Variants in RBFOX1 observed in about 807,000 individuals in gnomAD.
RBFOX1 encodes RNA binding fox-1 homolog 1.
RBFOX1 carries 8 observed loss-of-function variants against 57.7 expected under a neutral mutation model. The ratio of observed to expected loss-of-function variants is 0.14; its 90% CI spans 0.08 to 0.25. RBFOX1 has a LOEUF of 0.25. Ranked by LOEUF, RBFOX1 falls within the 10% of genes least tolerant of loss-of-function variation. The pLI, the probability that RBFOX1 is intolerant of heterozygous loss-of-function variation, is 1.00. For missense variants in RBFOX1, 611 were observed against 548.5 expected (o/e 1.11, Z -1.14); for synonymous variants, 326 against 222.4 (o/e 1.47, Z -4.15).
At chr16:6,985,704 G>C (rs2090084689) in intron 3 of RBFOX1, among the ~76,000 whole-genome samples, 1 of 151,936 alleles carries the variant, frequency 6.6e-6, no homozygotes, top group African/African-American at 2.4e-5. Flanking sequence ...CATGGTGTCA[G>C]GTGCCTATAA....
At chr16:7,576,600 G>A (rs17144146) in intron 5 of RBFOX1, among the ~76,000 whole-genome samples, 48,353 of 152,102 alleles carry the variant, frequency 0.32, 8,951 homozygotes, top group East Asian at 0.53. Context: ...TTAATTGAGC[G>A]TTGTATGTTT....
intron 1 of RBFOX1, among the ~76,000 whole-genome samples, chr16:6,114,011 A>C (rs1250511088): frequency 6.6e-6 from 1 of 150,760 alleles, no homozygotes; most frequent in East Asian, 2.0e-4. Context: ...AAGCATGACT[A>C]TTCAAACTAC....
chr16:5,719,519 T>C (rs2051849436), intron 3 of RBFOX1, among the ~76,000 whole-genome samples: 1 of 151,974 alleles, frequency 6.6e-6, no homozygotes, highest in Admixed American at 6.6e-5. Context: ...TTTTTTTTAT[T>C]ATTAACCAAA....
At chr16:7,169,256 T>C (rs1245165283) in intron 4 of RBFOX1, among the ~76,000 whole-genome samples, 2 of 152,240 alleles carry the variant, frequency 1.3e-5, no homozygotes, top group Non-Finnish European at 2.9e-5. Flanking sequence ...CATATTATTA[T>C]GTGATGTAAT....
At chr16:6,787,277 T>G (rs62016113) in intron 3 of RBFOX1, among the ~76,000 whole-genome samples, 54,537 of 151,950 alleles carry the variant, frequency 0.36, 11,073 homozygotes, top group African/African-American at 0.51. Flanking sequence ...CTAGGCAGCA[T>G]AATCTTAAGA....
intron 4 of RBFOX1, among the ~76,000 whole-genome samples, chr16:7,197,688 CAG>C (rs1270964248): frequency 7.9e-5 from 12 of 152,250 alleles, no homozygotes; most frequent in Admixed American, 7.2e-4. Context: ...TGTCCATCAC[CAG>C]GTGTGTGGAT....
intron 14 of RBFOX1, among the ~76,000 whole-genome samples, chr16:7,684,702 A>G (rs556601892): frequency 6.6e-6 from 1 of 151,794 alleles, no homozygotes; most frequent in Non-Finnish European, 1.5e-5. Flanking sequence ...TTTGTAATTT[A>G]AAATTTTAGA....
At chr16:5,648,815 G>C (rs2049133870) in intron 3 of RBFOX1, among the ~76,000 whole-genome samples, 1 of 152,138 alleles carries the variant, frequency 6.6e-6, no homozygotes, top group South Asian at 2.1e-4. Context: ...TGTAATCCCA[G>C]CACTTCGGGA....
intron 4 of RBFOX1, among the ~76,000 whole-genome samples, chr16:7,234,900 C>T (rs1315783609): frequency 6.6e-6 from 1 of 152,084 alleles, no homozygotes; most frequent in Non-Finnish European, 1.5e-5. Flanking sequence ...TATTCACAGA[C>T]ATCTCCCAAT....
chr16:6,183,128 T>C (rs988184985), intron 1 of RBFOX1, among the ~76,000 whole-genome samples: 5 of 152,126 alleles, frequency 3.3e-5, no homozygotes, highest in Non-Finnish European at 7.4e-5. Context: ...TCAGGTGGCA[T>C]GTGAGGATAC....
At chr16:7,249,606 A>AC (rs913022795) in intron 4 of RBFOX1, among the ~76,000 whole-genome samples, 7 of 151,938 alleles carry the variant, frequency 4.6e-5, no homozygotes, top group Non-Finnish European at 7.4e-5. Flanking sequence ...TTCTTTAAAA[A>AC]AAAAAAGAGC....
chr16:7,238,658 C>G (rs750273425), intron 4 of RBFOX1, among the ~76,000 whole-genome samples: 2 of 152,092 alleles, frequency 1.3e-5, no homozygotes, highest in Non-Finnish European at 2.9e-5. Context: ...TTTATTTTAT[C>G]TTCAGGGGTA....
intron 3 of RBFOX1, among the ~76,000 whole-genome samples, chr16:6,856,439 C>G (rs996077515): frequency 6.6e-6 from 1 of 152,106 alleles, no homozygotes; most frequent in African/African-American, 2.4e-5. Flanking sequence ...ACTCAGGAGA[C>G]AGCAGGACCA....
At position 5,974,503 on chromosome 16, in the gene RBFOX1, G is replaced by A. The variant is rs376152302; in HGVS notation, c.351+107168G>A. Reference sequence around the variant, plus strand: ...TGTGCACCTGTAATCCCAGCTACTCGGGAGGCTGAGGCAGGAGAATCACTC... The same window carrying A: ...TGTGCACCTGTAATCCCAGCTACTCAGGAGGCTGAGGCAGGAGAATCACTC... On this transcript the variant is annotated intron_variant, in intron 4 of 19. Coordinates refer to the RBFOX1 transcript ENST00000641259. 6.6e-3 allele frequency among the ~76,000 whole-genome samples: 1,007 copies of A among 152,020 alleles called. 12 individuals carry two copies. The highest frequency in any genetic ancestry group is 0.014 in the Middle Eastern group (4 of 290).
At chr16:6,245,013 C>T (rs2097561428) in intron 1 of RBFOX1, among the ~76,000 whole-genome samples, 2 of 151,942 alleles carry the variant, frequency 1.3e-5, no homozygotes, top group South Asian at 4.1e-4. Context: ...TATATTTGAT[C>T]AGAGTACCAA....
intron 4 of RBFOX1, among the ~76,000 whole-genome samples, chr16:7,236,030 G>A (rs886318121): frequency 6.6e-6 from 1 of 152,124 alleles, no homozygotes; most frequent in Non-Finnish European, 1.5e-5. Flanking sequence ...TGGTCATTTT[G>A]TATAAATAGT....
chr16:7,399,900 T>G (rs2098212184), intron 4 of RBFOX1, among the ~76,000 whole-genome samples: 1 of 152,186 alleles, frequency 6.6e-6, no homozygotes, highest in South Asian at 2.1e-4. Flanking sequence ...TCATTTTAAC[T>G]TAGAATATTC....
intron 3 of RBFOX1, among the ~76,000 whole-genome samples, chr16:6,686,997 A>G (rs2059529405): frequency 6.6e-6 from 1 of 152,198 alleles, no homozygotes; most frequent in Admixed American, 6.5e-5. Flanking sequence ...AACCAATAAT[A>G]TGTCGTCATG....
intron 4 of RBFOX1, among the ~76,000 whole-genome samples, chr16:7,385,390 A>C (rs915803537): frequency 3.9e-5 from 6 of 152,174 alleles, no homozygotes; most frequent in Admixed American, 2.6e-4. Context: ...GAAAATTAAC[A>C]GGCAGATCTG....
Sources: allele counts gnomAD v4.1 joint callset (sites outside exome capture counted in the v4.1 genomes callset), GRCh38; gene constraint gnomAD v4.1.1; transcripts MANE v1.5; gene names NCBI Gene and HGNC (gene_info 2026-07-23, HGNC 2026-07-21).